The following KRAS variants were observed in gnomAD, a reference collection of about 807,000 sequenced individuals.
The protein encoded by KRAS is KRas proto-oncogene, GTPase, also known as GTPase KRas.
A neutral mutation model predicts 21.0 loss-of-function variants in KRAS; 1 was observed. That is an observed-to-expected ratio of 0.05 (90% confidence interval 0.02 to 0.23). The LOEUF (loss-of-function observed/expected upper bound fraction) is 0.23, where lower values mean the gene tolerates loss of function less well. KRAS is among the 10% of genes least tolerant of loss of function. The pLI is 1.00. For synonymous variants in KRAS, 67 were observed against 72.5 expected, an observed-to-expected ratio of 0.92 and a Z score of 0.39; for missense variants, 107 against 221.8, an observed-to-expected ratio of 0.48 and a Z score of 3.29.
intron 2 of KRAS, among the ~76,000 whole-genome samples, chr12:25,228,178 C>CTTTTTTTTTTTTTTTTTTTTT (rs34584556): frequency 1.3e-5 from 1 of 76,778 alleles, no homozygotes; most frequent in Non-Finnish European, 2.3e-5. Flanking sequence ...TTTCTTTCAT[C>CTTTTTTTTTTTTTTTTTTTTT]TTTTTTTTTT....
In KRAS at chr12:25,209,472, C is replaced by T; in HGVS notation, c.*323G>A. The T allele has an allele frequency of 8.0e-7, 1 of 1,247,776 alleles. No homozygotes were observed. Among genetic ancestry groups the T allele is most frequent in the Non-Finnish European group, 1.0e-6 (1 of 978,076 alleles). 77.3% of individuals were successfully genotyped at this position (1,247,776 alleles called of 1,614,324 possible). A position where few individuals can be genotyped will look rare whatever the true frequency, so the allele number is the denominator to read the frequency against. Reference sequence around the variant, plus strand: ...ATTCAAAAGCTTCATTAATTTGTTTCACACCAACATTCACAATTGGTAAGA... The same window carrying T: ...ATTCAAAAGCTTCATTAATTTGTTTTACACCAACATTCACAATTGGTAAGA... On this transcript the variant is annotated 3_prime_UTR_variant, in exon 5 of 5. Coordinates refer to ENST00000311936, the MANE Select transcript of KRAS (RefSeq NM_004985.5).
At chr12:25,215,934 G>C (rs1217782711) in intron 4 of KRAS, among the ~76,000 whole-genome samples, 1 of 152,026 alleles carries the variant, frequency 6.6e-6, no homozygotes, top group African/African-American at 2.4e-5. Context: ...CTTTGACTTA[G>C]GAAAAAAGTG....
intron 1 of KRAS, among the ~76,000 whole-genome samples, chr12:25,249,575 G>C (rs1436025405): frequency 8.5e-5 from 5 of 58,884 alleles, no homozygotes; most frequent in African/African-American, 2.8e-4. Context: ...CTGGGCAACA[G>C]AGCGAGACTG....
chr12:25,221,325 C>G lies in KRAS; in HGVS notation c.450+4289G>C, dbSNP rs1951323013. 2.6e-5 allele frequency among the ~76,000 whole-genome samples: 4 copies of G among 151,328 alleles called. No homozygotes were observed. The South Asian group carries it at 8.3e-4, about 32-fold the overall frequency. On this transcript the variant is annotated intron_variant, in intron 4 of 4. Coordinates refer to ENST00000311936, the MANE Select transcript of KRAS (RefSeq NM_004985.5). ...TGGGCTCACTACAGCCTCTGCCTCT[C>G]AGGTTCAAGCAATTCTACTGCCTCA... is the stretch of plus-strand genomic sequence containing the variant.
intron 4 of KRAS, chr12:25,210,668 T>C (rs191862252): frequency 7.9e-5 from 12 of 152,326 alleles, no homozygotes. Flanking sequence ...GGAGATTCTT[T>C]CTATCCCATA....
At chr12:25,228,176 A>ATTT (rs1951417749) in intron 2 of KRAS, among the ~76,000 whole-genome samples, 1 of 103,558 alleles carries the variant, frequency 9.7e-6, no homozygotes, top group Non-Finnish European at 2.0e-5. Context: ...TTTTTCTTTC[A>ATTT]TCTTTTTTTT....
intron 1 of KRAS, among the ~76,000 whole-genome samples, chr12:25,247,673 G>A (rs948985665): frequency 1.2e-4 from 18 of 152,242 alleles, no homozygotes; most frequent in African/African-American, 4.3e-4. Flanking sequence ...GTGTGCAAGA[G>A]GTCAAAACTG....
In KRAS at chr12:25,209,299, T is replaced by C. The variant is rs936660681; in HGVS notation, c.*496A>G. On this transcript the variant is annotated 3_prime_UTR_variant, in exon 5 of 5. Coordinates refer to ENST00000311936, the MANE Select transcript of KRAS (RefSeq NM_004985.5). ...TTTACATTCATCAGGGATGACAAAC[T>C]ATAGGACATGATGCCTAGAAGAATC... 14 of 634,954 alleles carry C rather than the reference T, an allele frequency of 2.2e-5. No homozygotes were observed. In the African/African-American group the frequency reaches 2.4e-4, roughly 11 times the overall value. The allele number at this position is 634,954 out of a possible 1,614,324, so 39.3% of individuals were successfully genotyped here.
At chr12:25,236,640 G>A (rs947928322) in intron 2 of KRAS, among the ~76,000 whole-genome samples, 1 of 152,026 alleles carries the variant, frequency 6.6e-6, no homozygotes, top group African/African-American at 2.4e-5. Context: ...AAATAAGAGA[G>A]AGAAGAAGGG....
chr12:25,249,114 A>C (rs538426518), intron 1 of KRAS, among the ~76,000 whole-genome samples: 1 of 152,278 alleles, frequency 6.6e-6, no homozygotes, highest in East Asian at 1.9e-4. Context: ...TCAAGATTTA[A>C]GAAGGCTTAG....
intron 1 of KRAS, among the ~76,000 whole-genome samples, chr12:25,250,222 C>T (rs1313778633): frequency 6.6e-6 from 1 of 152,210 alleles, no homozygotes; most frequent in Non-Finnish European, 1.5e-5. Flanking sequence ...GACCACTATC[C>T]GTCCAGCCTG....
chr12:25,233,792 T>C (rs949923832), intron 2 of KRAS: 5 of 205,730 alleles, frequency 2.4e-5, no homozygotes, highest in Non-Finnish European at 5.0e-5. Flanking sequence ...TAATTAGTAC[T>C]GCCTCTTAAA....
intron 4 of KRAS, among the ~76,000 whole-genome samples, chr12:25,221,079 C>T (rs1951317965): frequency 6.7e-6 from 1 of 149,558 alleles, no homozygotes; most frequent in African/African-American, 2.5e-5. Flanking sequence ...TATTTCCTTT[C>T]CATGAACTAT....
chr12:25,218,742 G>A (rs1951283079), intron 4 of KRAS, among the ~76,000 whole-genome samples: 1 of 152,014 alleles, frequency 6.6e-6, no homozygotes, highest in South Asian at 2.1e-4. Flanking sequence ...ATATACCTAT[G>A]AAACAAAACA....
rs886049200 is a variant in KRAS, at chr12:25,250,906, T to TCCG, written c.-170_-168dup. 8.9e-5 allele frequency: 22 copies of TCCG among 246,040 alleles called. No individual in the cohort carries two copies. The highest frequency in any genetic ancestry group is 2.3e-4 in the Admixed American group (4 of 17,292). 15.2% of individuals were successfully genotyped at this position (246,040 alleles called of 1,614,324 possible). On this transcript the variant is annotated 5_prime_UTR_variant, in exon 1 of 5. Coordinates refer to ENST00000311936, the MANE Select transcript of KRAS (RefSeq NM_004985.5). Reference sequence around the variant, plus strand: ...CGCCACTGCCGCCGCCGCTGCTGCCTCCGCCGCCGCGGCCGCCGCCTAGGA... The same window carrying TCCG: ...CGCCACTGCCGCCGCCGCTGCTGCCTCCGCCGCCGCCGCGGCCGCCGCCTAGGA...
intron 2 of KRAS, chr12:25,234,521 C>T (rs1401975349): frequency 5.4e-6 from 1 of 183,690 alleles, no homozygotes; most frequent in Non-Finnish European, 1.2e-5. Context: ...GTTTTCATAC[C>T]AATTTCTTTG....
At chr12:25,244,981 G>T (rs1042767696) in intron 2 of KRAS, among the ~76,000 whole-genome samples, 1 of 152,118 alleles carries the variant, frequency 6.6e-6, no homozygotes, top group Middle Eastern at 3.2e-3. Flanking sequence ...TAAAAAGATT[G>T]TCTTTTAGGT....
At chr12:25,236,983 G>C (rs11047914) in intron 2 of KRAS, among the ~76,000 whole-genome samples, 28,920 of 151,944 alleles carry the variant, frequency 0.19, 2,863 homozygotes, top group Middle Eastern at 0.24. Context: ...CCAAAAAGAG[G>C]AAATCACTCA....
intron 4 of KRAS, among the ~76,000 whole-genome samples, chr12:25,213,964 G>T (rs1361960854): frequency 6.6e-6 from 1 of 152,206 alleles, no homozygotes; most frequent in Non-Finnish European, 1.5e-5. Context: ...TTAAAAATAT[G>T]TAATTCTGGC....
Sources: allele counts gnomAD v4.1 joint callset (sites outside exome capture counted in the v4.1 genomes callset), GRCh38; gene constraint gnomAD v4.1.1; transcripts MANE v1.5; gene names NCBI Gene and HGNC (gene_info 2026-07-23, HGNC 2026-07-21).